Variants in OSBP2 observed in about 807,000 individuals in gnomAD.
OSBP2 encodes oxysterol-binding protein 2.
A neutral mutation model predicts 96.0 loss-of-function variants in OSBP2; 66 were observed. The ratio of observed to expected loss-of-function variants is 0.69; its 90% CI spans 0.56 to 0.84. OSBP2 has a LOEUF of 0.84. OSBP2 is among the 40% of genes least tolerant of loss of function. The pLI, the probability that OSBP2 is intolerant of heterozygous loss-of-function variation, is 0.00. For missense variants in OSBP2, 1,038 were observed against 1,222.7 expected (o/e 0.85, Z 2.25); for synonymous variants, 525 against 520.9 (o/e 1.01, Z -0.11).
At chr22:30,762,421 G>A (rs1326725763) in intron 2 of OSBP2, among the ~76,000 whole-genome samples, 3 of 151,728 alleles carry the variant, frequency 2.0e-5, no homozygotes, top group Non-Finnish European at 4.4e-5. Flanking sequence ...GGTGGCGGGC[G>A]CCTGTAGTCC....
At chr22:30,859,449 C>T (rs2039162064) in intron 2 of OSBP2, among the ~76,000 whole-genome samples, 1 of 152,232 alleles carries the variant, frequency 6.6e-6, no homozygotes, top group African/African-American at 2.4e-5. Flanking sequence ...ACCCCACAAC[C>T]ATCAGCAGGG....
intron 12 of OSBP2, among the ~76,000 whole-genome samples, chr22:30,901,149 A>G (rs1602445414): frequency 6.6e-6 from 1 of 152,028 alleles, no homozygotes. Context: ...ACTCATTGCA[A>G]CCTCCGCCTC....
At chr22:30,867,581 C>T (rs890100985) in intron 2 of OSBP2, among the ~76,000 whole-genome samples, 2 of 152,232 alleles carry the variant, frequency 1.3e-5, no homozygotes, top group Non-Finnish European at 2.9e-5. Flanking sequence ...AGACTGTGCT[C>T]ATGGGTAATC....
At chr22:30,705,554 A>G (rs147987649) in intron 1 of OSBP2, among the ~76,000 whole-genome samples, 1,974 of 151,862 alleles carry the variant, frequency 0.013, 55 homozygotes, top group South Asian at 0.12. Flanking sequence ...TGGCCTCCCA[A>G]AGTGCTGGGA....
chr22:30,707,339 C>T (rs539142007), intron 1 of OSBP2, among the ~76,000 whole-genome samples: 1 of 152,242 alleles, frequency 6.6e-6, no homozygotes, highest in Admixed American at 6.5e-5. Flanking sequence ...TCAAGTGATC[C>T]ACCCACCTTG....
rs762811572 is a variant in OSBP2 at position 30,906,233 on chromosome 22, A to C, written c.2645A>C (p.Glu882Ala). 2 of 1,614,178 alleles carry C rather than the reference A, an allele frequency of 1.2e-6. No individual in the cohort carries two copies. Among genetic ancestry groups the C allele is most frequent in the Non-Finnish European group, 8.5e-7 (1 of 1,180,034 alleles). ...GATGCCTACACGCCACTGTGGTTTG[A>C]GAAGAGGCTGGATCCGCTGACCGGG... ...EADAYTPLWF[E>A]KRLDPLTGEM... Residue 882 changes from glutamate to alanine, a missense_variant, in exon 14 of 14, where the codon GAG becomes GCG. Transcript: ENST00000332585.
At chr22:30,864,557 G>A (rs939452832) in intron 2 of OSBP2, among the ~76,000 whole-genome samples, 1 of 152,156 alleles carries the variant, frequency 6.6e-6, no homozygotes, top group Non-Finnish European at 1.5e-5. Context: ...GGTGGGTGCT[G>A]CTCCAGCCTT....
intron 2 of OSBP2, among the ~76,000 whole-genome samples, chr22:30,841,551 G>A (rs1183297455): frequency 3.3e-5 from 5 of 152,128 alleles, no homozygotes; most frequent in African/African-American, 4.8e-5. Flanking sequence ...GTCATACCTC[G>A]GAGATATTGC....
intron 2 of OSBP2, among the ~76,000 whole-genome samples, chr22:30,858,671 G>T (rs2039137608): frequency 6.6e-6 from 1 of 151,302 alleles, no homozygotes; most frequent in Non-Finnish European, 1.5e-5. Context: ...CTGAGGTCAG[G>T]AGTTCAAGAC....
In OSBP2 at chr22:30,852,548, C is replaced by G. The variant is rs184578816; in HGVS notation, c.854-17881C>G. On this transcript the variant is annotated intron_variant, in intron 2 of 13. Transcript: ENST00000332585. The stretch of plus-strand genomic sequence containing the variant: ...TTTTTTTATTTCTTGACTGCCCTAG[C>G]TAGAGATTTATCAATTTTATTGATC... 2.0e-5 allele frequency among the ~76,000 whole-genome samples: 3 copies of G among 152,008 alleles called. No individual in the cohort carries two copies. The East Asian group carries it at 5.8e-4, about 29-fold the overall frequency.
At chr22:30,834,043 T>C (rs1002734355) in intron 2 of OSBP2, among the ~76,000 whole-genome samples, 1 of 151,360 alleles carries the variant, frequency 6.6e-6, no homozygotes, top group Non-Finnish European at 1.5e-5. Context: ...TCCCTCTCTT[T>C]AACCATCAGT....
rs1491303061 is a variant in OSBP2, at chr22:30,730,808, A to ATATATAT, written c.645-10353_645-10352insTATATAT. On this transcript the variant is annotated intron_variant, in intron 1 of 13. Coordinates refer to ENST00000332585, the MANE Select transcript of OSBP2 (RefSeq NM_030758.4). ...TATATATATATATATATATATATATAATTTTTTTTTTTTTTCCCATGGACA... is the reference window on the plus strand; with the variant it reads ...TATATATATATATATATATATATATATATATATATTTTTTTTTTTTTTCCCATGGACA... Among the ~76,000 whole-genome samples, 81 of 39,218 alleles carry ATATATAT rather than the reference A, an allele frequency of 2.1e-3. 2 individuals are homozygous for ATATATAT. Among genetic ancestry groups the ATATATAT allele is most frequent in the East Asian group, 3.2e-3 (5 of 1,550 alleles). The allele number at this position is 39,218 out of a possible 152,430, so 25.7% of individuals were successfully genotyped here. A position where few individuals can be genotyped will look rare whatever the true frequency, so the allele number is the denominator to read the frequency against.
intron 2 of OSBP2, chr22:30,844,579 A>G (rs2038829702): frequency 6.5e-6 from 1 of 153,914 alleles, no homozygotes; most frequent in African/African-American, 2.4e-5. Flanking sequence ...CAGCCTCCAT[A>G]CAACTGAAGA....
At chr22:30,892,534 G>GC (rs1302861181) in intron 8 of OSBP2, among the ~76,000 whole-genome samples, 1 of 152,082 alleles carries the variant, frequency 6.6e-6, no homozygotes, top group Non-Finnish European at 1.5e-5. Context: ...GGAAGCCTGG[G>GC]CCCCACAGCC....
chr22:30,694,578 C>T (rs2088983644), upstream of OSBP2, among the ~76,000 whole-genome samples: 1 of 58 alleles, frequency 0.017, no homozygotes, highest in African/African-American at 0.042. Flanking sequence ...CCTCCAGCGC[C>T]TGGCACGGCT....
chr22:30,843,449 C>CCG (rs960611261), intron 2 of OSBP2, among the ~76,000 whole-genome samples: 31 of 127,066 alleles, frequency 2.4e-4, no homozygotes, highest in African/African-American at 1.0e-3. Context: ...ATCTTTCCCC[C>CCG]CTCCCCCTTG....
chr22:30,902,621 G>T, intron 12 of OSBP2: 2 of 655,290 alleles, frequency 3.1e-6, no homozygotes. Context: ...ATCCAACATG[G>T]ATTTCAAAGA....
chr22:30,898,176 A>G (rs542248638), intron 12 of OSBP2, among the ~76,000 whole-genome samples: 1 of 152,112 alleles, frequency 6.6e-6, no homozygotes, highest in African/African-American at 2.4e-5. Context: ...CCTCATCTCT[A>G]CCAAAAAAAA....
intron 2 of OSBP2, among the ~76,000 whole-genome samples, chr22:30,798,278 T>C (rs1012665112): frequency 2.0e-5 from 3 of 152,200 alleles, no homozygotes; most frequent in Non-Finnish European, 4.4e-5. Flanking sequence ...TTGAATCGGA[T>C]TGGGTTTTTT....
Sources: gnomAD v4.1 joint callset for allele counts (sites outside exome capture counted in the v4.1 genomes callset) on GRCh38, gnomAD v4.1.1 for gene constraint, MANE v1.5 for transcripts, NCBI Gene and HGNC (gene_info 2026-07-23, HGNC 2026-07-21) for gene names.